The following RFX3 variants were observed in gnomAD, a reference collection of about 807,000 sequenced individuals.
The protein encoded by RFX3 is regulatory factor X3, also known as transcription factor RFX3.
A neutral mutation model predicts 98.6 loss-of-function variants in RFX3; 14 were observed. The ratio of observed to expected loss-of-function variants is 0.14; its 90% CI spans 0.09 to 0.22. The LOEUF (loss-of-function observed/expected upper bound fraction) is 0.22, where lower values mean the gene tolerates loss of function less well. Among genes scored for constraint, RFX3 ranks in the 10% least tolerant of loss-of-function variants. The pLI, the probability that RFX3 is intolerant of heterozygous loss-of-function variation, is 1.00. For synonymous variants in RFX3, 383 were observed against 328.4 expected (o/e 1.17, Z -1.80); for missense variants, 639 against 926.9 (o/e 0.69, Z 4.03).
chr9:3,443,231 C>T (rs1163121330), intron 1 of RFX3, among the ~76,000 whole-genome samples: 1 of 152,166 alleles, frequency 6.6e-6, no homozygotes, highest in Non-Finnish European at 1.5e-5. Context: ...GGTATATGTG[C>T]AGGATGTGCA....
intron 1 of RFX3, among the ~76,000 whole-genome samples, chr9:3,519,708 C>T (rs1818512406): frequency 6.6e-6 from 1 of 152,084 alleles, no homozygotes; most frequent in Admixed American, 6.6e-5. Flanking sequence ...TGTTATTCAC[C>T]AGTATACTTA....
At chr9:3,320,445 G>C (rs1171829667) in intron 4 of RFX3, among the ~76,000 whole-genome samples, 2 of 151,758 alleles carry the variant, frequency 1.3e-5, no homozygotes, top group African/African-American at 4.8e-5. Context: ...TCAGCTACTT[G>C]GGAGGATGAG....
rs146237187 is a variant in RFX3, at chr9:3,385,492, C to T, written c.117+9980G>A. 5.4e-3 allele frequency among the ~76,000 whole-genome samples: 824 copies of T among 151,908 alleles called. 10 individuals carry two copies. Among genetic ancestry groups the T allele is most frequent in the African/African-American group, 0.019 (778 of 41,472 alleles). Reference sequence around the variant, plus strand: ...TTCGGAGGCTGAGACGGGTAGATCACCTAAGGTGAGTTCAAGACTAGCCTG... The same window carrying T: ...TTCGGAGGCTGAGACGGGTAGATCATCTAAGGTGAGTTCAAGACTAGCCTG... On this transcript the variant is annotated intron_variant, in intron 2 of 16. Coordinates refer to ENST00000617270, the MANE Select transcript of RFX3 (RefSeq NM_001282116.2).
At chr9:3,324,080 C>T (rs1476664655) in intron 4 of RFX3, 2 of 438,348 alleles carry the variant, frequency 4.6e-6, no homozygotes, top group Non-Finnish European at 9.7e-6. Flanking sequence ...AGTTTCATTT[C>T]AGGGACTGAG....
chr9:3,368,441 A>G (rs1253910712), intron 2 of RFX3, among the ~76,000 whole-genome samples: 2 of 152,188 alleles, frequency 1.3e-5, no homozygotes, highest in Non-Finnish European at 2.9e-5. Flanking sequence ...ATTAAAGATA[A>G]TGGTTTCAAT....
At chr9:3,320,736 G>A (rs1715172687) in intron 4 of RFX3, among the ~76,000 whole-genome samples, 1 of 113,686 alleles carries the variant, frequency 8.8e-6, no homozygotes, top group Admixed American at 8.4e-5. Context: ...ACACATATGT[G>A]CCTATATATA....
At chr9:3,277,753 T>C (rs1359257299) in intron 7 of RFX3, among the ~76,000 whole-genome samples, 4 of 152,036 alleles carry the variant, frequency 2.6e-5, no homozygotes, top group Non-Finnish European at 4.4e-5. Flanking sequence ...GGAGCAAAGA[T>C]GTCCATGATT....
chr9:3,241,088 T>C (rs1351731945), intron 15 of RFX3, among the ~76,000 whole-genome samples: 1 of 152,228 alleles, frequency 6.6e-6, no homozygotes, highest in East Asian at 1.9e-4. Flanking sequence ...TTTGGTTTAT[T>C]TCCCCACTTC....
At chr9:3,307,448 A>C (rs1362120982) in intron 4 of RFX3, among the ~76,000 whole-genome samples, 1 of 152,162 alleles carries the variant, frequency 6.6e-6, no homozygotes, top group South Asian at 2.1e-4. Context: ...CAGGAAAACC[A>C]ACTTGGAAGC....
At chr9:3,262,598 G>T (rs771328931) in intron 13 of RFX3, among the ~76,000 whole-genome samples, 1 of 152,190 alleles carries the variant, frequency 6.6e-6, no homozygotes, top group Admixed American at 6.5e-5. Context: ...GTTAAGTAAC[G>T]CAATTGCCCA....
intron 1 of RFX3, among the ~76,000 whole-genome samples, chr9:3,435,158 A>G (rs1845009491): frequency 6.6e-6 from 1 of 152,068 alleles, no homozygotes; most frequent in Non-Finnish European, 1.5e-5. Flanking sequence ...GTACACTACT[A>G]TAGACTTTAT....
Position 3,431,394 on chromosome 9 carries a change from G to A in RFX3, c.-8-35798C>T, listed in dbSNP as rs137903619. 6.5e-3 allele frequency among the ~76,000 whole-genome samples: 983 copies of A among 152,186 alleles called. 8 individuals carry two copies. The highest frequency in any genetic ancestry group is 0.014 in the Middle Eastern group (4 of 294). On this transcript the variant is annotated intron_variant, in intron 1 of 16. Coordinates refer to ENST00000617270, the MANE Select transcript of RFX3 (RefSeq NM_001282116.2). ...ATATGTACCATAGATTAAGGTCTGC[G>A]GCTGAGGTTGCCCACTTTTTCATGA...
intron 1 of RFX3, among the ~76,000 whole-genome samples, chr9:3,497,744 G>C (rs1455986282): frequency 6.6e-6 from 1 of 151,918 alleles, no homozygotes; most frequent in Non-Finnish European, 1.5e-5. Flanking sequence ...CCATTTACTT[G>C]TTCTATGCCA....
At chr9:3,311,322 CA>C (rs2130465293) in intron 4 of RFX3, among the ~76,000 whole-genome samples, 1 of 152,218 alleles carries the variant, frequency 6.6e-6, no homozygotes, top group African/African-American at 2.4e-5. Context: ...TCAGGTAAGA[CA>C]GAACATTTCT....
intron 3 of RFX3, among the ~76,000 whole-genome samples, chr9:3,333,886 C>G (rs924735590): frequency 2.6e-5 from 4 of 152,104 alleles, no homozygotes; most frequent in African/African-American, 9.7e-5. Flanking sequence ...TACTATGCAG[C>G]AGACACTATT....
chr9:3,378,202 T>G (rs78433638), intron 2 of RFX3, among the ~76,000 whole-genome samples: 1 of 152,302 alleles, frequency 6.6e-6, no homozygotes, highest in African/African-American at 2.4e-5. Flanking sequence ...TTAGGTAATA[T>G]CTTCAAATTG....
intron 5 of RFX3, among the ~76,000 whole-genome samples, chr9:3,299,391 TC>T (rs1265878376): frequency 6.6e-6 from 1 of 151,748 alleles, no homozygotes; most frequent in Non-Finnish European, 1.5e-5. Context: ...ACCTCACTGA[TC>T]AGTCAGTAGA....
intron 1 of RFX3, among the ~76,000 whole-genome samples, chr9:3,493,315 A>ATC (rs1315201403): frequency 6.6e-6 from 1 of 152,138 alleles, no homozygotes; most frequent in Non-Finnish European, 1.5e-5. Context: ...CCACTCTGCT[A>ATC]TCTATCCTAC....
At chr9:3,347,623 A>T (rs1181322002) in intron 2 of RFX3, among the ~76,000 whole-genome samples, 2 of 152,130 alleles carry the variant, frequency 1.3e-5, no homozygotes, top group Non-Finnish European at 2.9e-5. Context: ...CAGGAGTTCA[A>T]GACCAGTCTC....
Sources: allele counts gnomAD v4.1 joint callset (sites outside exome capture counted in the v4.1 genomes callset), GRCh38; gene constraint gnomAD v4.1.1; transcripts MANE v1.5; gene names NCBI Gene and HGNC (gene_info 2026-07-23, HGNC 2026-07-21).